The following MAGI1 variants were observed in gnomAD, a reference collection of about 807,000 sequenced individuals.
MAGI1 encodes membrane-associated guanylate kinase, WW and PDZ domain-containing protein 1.
Under a neutral mutation model 139.9 loss-of-function variants are expected in MAGI1, and 58 were observed. The ratio of observed to expected loss-of-function variants is 0.41; its 90% confidence interval spans 0.34 to 0.52. The LOEUF (loss-of-function observed/expected upper bound fraction) is 0.52, where lower values mean the gene tolerates loss of function less well. Among genes scored for constraint, MAGI1 ranks in the 20% least tolerant of loss-of-function variants. The probability of loss-of-function intolerance (pLI) is 0.12; values close to 1 mark genes in which losing one functional copy is unlikely to be tolerated. For missense variants in MAGI1, 1,874 were observed against 1,901.6 expected (o/e 0.99, Z 0.27); for synonymous variants, 812 against 737.9 (o/e 1.10, Z -1.63).
At chr3:65,461,242 G>C (rs1479257954) in intron 5 of MAGI1, among the ~76,000 whole-genome samples, 1 of 151,912 alleles carries the variant, frequency 6.6e-6, no homozygotes, top group Non-Finnish European at 1.5e-5. Context: ...TTGCGATGGA[G>C]TCTTGCTCTG....
intron 9 of MAGI1, 54 bp downstream of exon 9, chr3:65,439,825 G>A (rs1948130477): frequency 1.2e-6 from 2 of 1,602,938 alleles, no homozygotes; most frequent in Non-Finnish European, 1.7e-6. Context: ...TCAGCGCTCA[G>A]ATTTCACCCC....
In MAGI1 at chr3:65,430,769, A is replaced by G. The variant is rs200070294; in HGVS notation, c.1476T>C (p.Pro492=). 1.1e-5 allele frequency: 18 copies of G among 1,613,724 alleles called. No homozygotes were observed. The East Asian group carries it at 4.0e-4, about 36-fold the overall frequency. ...AGCTCTTGATCTGGAGAAACTCATC[A>G]GGTTCATCCCCTCCAACCACCGTGA... ...FGFTVVGGDE[P]DEFLQIKSLV... is the part of the protein sequence containing the mutation. The change falls in exon 11 of 23, where the codon CCT becomes CCC. Residue 492 remains proline (P), a synonymous_variant. Transcript: ENST00000402939.
At chr3:65,577,386 T>G (rs941865578) in intron 2 of MAGI1, among the ~76,000 whole-genome samples, 1 of 152,160 alleles carries the variant, frequency 6.6e-6, no homozygotes, top group Non-Finnish European at 1.5e-5. Flanking sequence ...CTGAGCCATA[T>G]CAAAGCCTGA....
chr3:65,616,923 T>C (rs1264234766), intron 2 of MAGI1, among the ~76,000 whole-genome samples: 1 of 152,226 alleles, frequency 6.6e-6, no homozygotes, highest in African/African-American at 2.4e-5. Flanking sequence ...TGGTTGATTT[T>C]AGGCAAGCCA....
At chr3:65,526,371 CAG>C (rs1379052586) in intron 2 of MAGI1, among the ~76,000 whole-genome samples, 1 of 152,098 alleles carries the variant, frequency 6.6e-6, no homozygotes, top group African/African-American at 2.4e-5. Flanking sequence ...TTAACAAAGT[CAG>C]AGAGATGGGT....
At chr3:65,916,742 T>G (rs9864842) in intron 1 of MAGI1, among the ~76,000 whole-genome samples, 85,345 of 151,746 alleles carry the variant, frequency 0.56, 24,688 homozygotes, top group East Asian at 0.75. Flanking sequence ...CTGGCCTATA[T>G]ACATGAATTT....
chr3:65,572,402 C>G (rs1318519243), intron 2 of MAGI1, among the ~76,000 whole-genome samples: 1 of 152,072 alleles, frequency 6.6e-6, no homozygotes. Flanking sequence ...AGAAAGCCAG[C>G]CAATGTTTCC....
intron 1 of MAGI1, among the ~76,000 whole-genome samples, chr3:65,675,697 T>G (rs889636680): frequency 6.6e-6 from 1 of 152,208 alleles, no homozygotes; most frequent in African/African-American, 2.4e-5. Flanking sequence ...AGTTTATGAA[T>G]TTCAACGATG....
intron 1 of MAGI1, among the ~76,000 whole-genome samples, chr3:65,941,555 A>C (rs2063316159): frequency 6.6e-6 from 1 of 152,072 alleles, no homozygotes; most frequent in African/African-American, 2.4e-5. Flanking sequence ...CAGTTTTGAC[A>C]ACCAAAAATA....
chr3:65,413,654 G>A (rs1175610453), intron 12 of MAGI1, among the ~76,000 whole-genome samples: 2 of 152,168 alleles, frequency 1.3e-5, no homozygotes, highest in African/African-American at 2.4e-5. Context: ...ATATAGCTAT[G>A]AAGGGCAGGA....
At chr3:65,507,617 T>C (rs372088997) in intron 2 of MAGI1, among the ~76,000 whole-genome samples, 8 of 152,252 alleles carry the variant, frequency 5.3e-5, no homozygotes, top group African/African-American at 1.9e-4. Flanking sequence ...TATCTAATGT[T>C]TGCCAACGAT....
intron 1 of MAGI1, among the ~76,000 whole-genome samples, chr3:65,906,642 T>C (rs561082990): frequency 7.2e-4 from 109 of 152,230 alleles, no homozygotes; most frequent in African/African-American, 2.3e-3. Flanking sequence ...TCCCAGCATT[T>C]TGGGAGGCTG....
intron 1 of MAGI1, among the ~76,000 whole-genome samples, chr3:65,865,212 T>C (rs977980682): frequency 6.6e-6 from 1 of 152,060 alleles, no homozygotes; most frequent in Admixed American, 6.5e-5. Flanking sequence ...TTTGATGGTA[T>C]AATTTTCTCC....
At chr3:65,872,991 A>G (rs892727004) in intron 1 of MAGI1, 7 of 152,246 alleles carry the variant, frequency 4.6e-5, no homozygotes, top group African/African-American at 1.7e-4. Context: ...ATGGTTACAC[A>G]GTAATACCTC....
chr3:65,609,821 C>T (rs571740216), intron 2 of MAGI1: 2 of 288,592 alleles, frequency 6.9e-6, no homozygotes, highest in Admixed American at 7.4e-5. Flanking sequence ...AAATGATCTG[C>T]TCATCTTGGC....
chr3:65,751,497 G>A (rs1466725449), intron 1 of MAGI1, among the ~76,000 whole-genome samples: 1 of 152,182 alleles, frequency 6.6e-6, no homozygotes, highest in South Asian at 2.1e-4. Context: ...TGTTCTACAC[G>A]GTTCTGATAA....
intron 1 of MAGI1, among the ~76,000 whole-genome samples, chr3:65,794,877 G>C (rs1002745567): frequency 2.0e-5 from 3 of 147,404 alleles, no homozygotes; most frequent in African/African-American, 7.4e-5. Context: ...AACTATCCGG[G>C]TATAAGATGG....
chr3:65,636,941 T>C (rs1007162694), intron 1 of MAGI1, among the ~76,000 whole-genome samples: 3 of 152,228 alleles, frequency 2.0e-5, no homozygotes, highest in Non-Finnish European at 4.4e-5. Context: ...GGCTTCAATA[T>C]ACACAAGGTT....
chr3:65,537,907 T>C (rs1381749994), intron 2 of MAGI1, among the ~76,000 whole-genome samples: 1 of 151,958 alleles, frequency 6.6e-6, no homozygotes, highest in East Asian at 1.9e-4. Flanking sequence ...CACCTGAGGA[T>C]AGGAGTTCAA....
Sources: gnomAD v4.1 joint callset for allele counts (sites outside exome capture counted in the v4.1 genomes callset) on GRCh38, gnomAD v4.1.1 for gene constraint, MANE v1.5 for transcripts, NCBI Gene and HGNC (gene_info 2026-07-23, HGNC 2026-07-21) for gene names.